NCKAP5L: variants seen among roughly 807,000 people sequenced by gnomAD.
NCKAP5L encodes the protein nck-associated protein 5-like.
Under a neutral mutation model 103.2 loss-of-function variants are expected in NCKAP5L, and 54 were observed. The observed-to-expected ratio is 0.52, with a 90% CI of 0.42 to 0.66. NCKAP5L has a LOEUF of 0.66. Among genes scored for constraint, NCKAP5L ranks in the 30% least tolerant of loss-of-function variants. The pLI, the probability that NCKAP5L is intolerant of heterozygous loss-of-function variation, is 0.00. For missense variants in NCKAP5L, 1,733 were observed against 1,750.6 expected (o/e 0.99, Z 0.18); for synonymous variants, 762 against 748.6 (o/e 1.02, Z -0.29).
intron 6 of NCKAP5L, 135 bp downstream of exon 6, chr12:49,801,713 C>T (rs1946120015): frequency 3.6e-6 from 4 of 1,125,780 alleles, no homozygotes; most frequent in Non-Finnish European, 5.0e-6. Flanking sequence ...TGGGTAGTTT[C>T]CATACCCCCA....
intron 1 of NCKAP5L, among the ~76,000 whole-genome samples, chr12:49,814,462 C>T (rs923417247): frequency 6.3e-4 from 91 of 143,312 alleles, no homozygotes; most frequent in African/African-American, 2.1e-3. Flanking sequence ...CCAGCCTGGG[C>T]GACAGTGTGA....
At position 49,791,425 on chromosome 12, in the gene NCKAP5L, G is replaced by A. The variant is rs534734775; in HGVS notation, c.*414C>T. 108 of 162,564 alleles carry A rather than the reference G, an allele frequency of 6.6e-4. No individual in the cohort carries two copies. The highest frequency in any genetic ancestry group is 2.3e-3 in the African/African-American group (96 of 41,976). 10.1% of individuals were successfully genotyped at this position (162,564 alleles called of 1,614,324 possible). A position where few individuals can be genotyped will look rare whatever the true frequency, so the allele number is the denominator to read the frequency against. ...CCTGGCCCCCAAACTCCACCAGCAC[G>A]GGGGCCTCCAGGAGGGCCTCGCGAG... On this transcript the variant is annotated 3_prime_UTR_variant, in exon 13 of 13. Transcript: ENST00000335999.
chr12:49,817,623 C>T (rs73114136), intron 1 of NCKAP5L, among the ~76,000 whole-genome samples: 39,539 of 151,832 alleles, frequency 0.26, 5,839 homozygotes, highest in South Asian at 0.38. Context: ...AAAACAGATA[C>T]TAGATGAATG....
At chr12:49,798,250 C>A in intron 7 of NCKAP5L, 100 bp downstream of exon 7, 5 of 1,150,434 alleles carry the variant, frequency 4.3e-6, no homozygotes, top group Non-Finnish European at 6.4e-6. Flanking sequence ...GCTCACACTT[C>A]CAGCCTGGAC....
chr12:49,816,495 C>CAAAA (rs1163941989), intron 1 of NCKAP5L, among the ~76,000 whole-genome samples: 784 of 49,404 alleles, frequency 0.016, 44 homozygotes, highest in East Asian at 0.025. Context: ...TCAACCCTCT[C>CAAAA]AAAAAAAAAA....
chr12:49,795,025 G>A lies in NCKAP5L; in HGVS notation c.2835C>T (p.Gly945=), dbSNP rs766678116. ...TEATKNKEGA[G]GGSPLRREVK... ...CTTCCCTCCGGAGCGGGGAGCCCCC[G>A]CCAGCCCCCTCCTTGTTCTTGGTGG... The change falls in exon 8 of 13, where the codon GGC becomes GGT. Residue 945 remains glycine, a synonymous_variant. Coordinates refer to ENST00000335999, the MANE Select transcript of NCKAP5L (RefSeq NM_001037806.4). 1.1e-5 allele frequency: 18 copies of A among 1,606,746 alleles called. No homozygotes were observed. Among genetic ancestry groups the A allele is most frequent in the Admixed American group, 8.5e-5 (5 of 58,906 alleles).
Position 49,795,248 on chromosome 12 carries a change from C to A in NCKAP5L, c.2612G>T (p.Ser871Ile). Residue 871 changes from serine to isoleucine, a missense_variant, in exon 8 of 13, where the codon AGT becomes ATT. Coordinates refer to ENST00000335999, the MANE Select transcript of NCKAP5L (RefSeq NM_001037806.4). Reference sequence around the variant, plus strand: ...TGGGGCCAGCCCCTCAGGGCCCTGACTTGGGTCAGTGGGGCCAGGTACTAG... The same window carrying A: ...TGGGGCCAGCCCCTCAGGGCCCTGAATTGGGTCAGTGGGGCCAGGTACTAG... ...TPLVPGPTDPSQGPEGLAPHS... is the reference protein window; with the variant it reads ...TPLVPGPTDPIQGPEGLAPHS... 1.3e-6 allele frequency: 2 copies of A among 1,548,644 alleles called. No homozygotes were observed. The highest frequency in any genetic ancestry group is 1.7e-6 in the Non-Finnish European group (2 of 1,148,678).
In NCKAP5L at chr12:49,794,605, A is replaced by AC. The variant is rs1555147580; in HGVS notation, c.3095+159dup. Among the ~76,000 whole-genome samples, 15 of 116,136 alleles carry AC rather than the reference A, an allele frequency of 1.3e-4. 3 individuals are homozygous for AC. The highest frequency in any genetic ancestry group is 6.1e-4 in the South Asian group (2 of 3,304). 76.2% of individuals were successfully genotyped at this position (116,136 alleles called of 152,430 possible). A position where few individuals can be genotyped will look rare whatever the true frequency, so the allele number is the denominator to read the frequency against. The stretch of plus-strand genomic sequence containing the variant: ...ATCTTTCCTCCAGGCCAAGTCACTG[A>AC]CCCCCCCACCAGCTGCTTTGGTGGC... On this transcript the variant is annotated intron_variant, in intron 8 of 12. Coordinates refer to ENST00000335999, the MANE Select transcript of NCKAP5L (RefSeq NM_001037806.4).
chr12:49,805,715 A>C (rs1048606438), intron 2 of NCKAP5L: 4 of 151,854 alleles, frequency 2.6e-5, no homozygotes, highest in Non-Finnish European at 4.4e-5. Context: ...CTACCAAAAG[A>C]AAAAAAAAGA....
intron 5 of NCKAP5L, chr12:49,802,678 C>T (rs1946133338): frequency 4.0e-6 from 2 of 498,100 alleles, no homozygotes; most frequent in Non-Finnish European, 3.6e-6. Flanking sequence ...CATTTAGGCT[C>T]ACAACATCAA....
At chr12:49,825,505 C>A (rs888458484) in intron 1 of NCKAP5L, among the ~76,000 whole-genome samples, 1 of 152,220 alleles carries the variant, frequency 6.6e-6, no homozygotes, top group African/African-American at 2.4e-5. Context: ...TCTAACGGGG[C>A]CTCTGGCTGG....
Position 49,796,440 on chromosome 12 carries a change from G to T in NCKAP5L, c.1420C>A (p.Pro474Thr). The change falls in exon 8 of 13, where the codon CCG (proline) becomes ACG (threonine). Residue 474 changes from proline (P) to threonine (T), a missense_variant. Coordinates refer to ENST00000335999, the MANE Select transcript of NCKAP5L (RefSeq NM_001037806.4). ...TSEKSPSPGG[P>T]QLSPQLPRNS... ...CGGGGGAGCTGGGGACTGAGCTGCG[G>T]GCCTCCTGGGCTGGGGCTCTTCTCC... is the stretch of plus-strand genomic sequence containing the variant. 6.5e-7 allele frequency: 1 copy of T among 1,541,116 alleles called. No homozygotes were observed. Among genetic ancestry groups the T allele is most frequent in the Non-Finnish European group, 8.7e-7 (1 of 1,146,878 alleles).
At chr12:49,822,230 G>T (rs775965597) in intron 1 of NCKAP5L, among the ~76,000 whole-genome samples, 3 of 152,062 alleles carry the variant, frequency 2.0e-5, no homozygotes, top group Non-Finnish European at 4.4e-5. Context: ...GGACTTCCCA[G>T]CCTCTAGAGC....
Position 49,796,362 on chromosome 12 carries a change from G to C in NCKAP5L, c.1498C>G (p.Leu500Val). 2.5e-6 allele frequency: 4 copies of C among 1,574,844 alleles called. No individual in the cohort carries two copies. The highest frequency in any genetic ancestry group is 3.4e-6 in the Non-Finnish European group (4 of 1,160,932). ...CCACCCAGACCCCTTCGGGCCAACA[G>C]TGGGGAGGGGCTGCCGTCTGAGCCA... Reference protein sequence around the residue: ...NSGSDGSPSPLLARRGLGGGE... With the variant: ...NSGSDGSPSPVLARRGLGGGE... The change falls in exon 8 of 13, where the codon CTG (leucine) becomes GTG (valine). Residue 500 changes from leucine to valine, a missense_variant. Transcript: ENST00000335999.
At chr12:49,826,990 T>C (rs575618904) in intron 1 of NCKAP5L, among the ~76,000 whole-genome samples, 1 of 152,298 alleles carries the variant, frequency 6.6e-6, no homozygotes, top group South Asian at 2.1e-4. Context: ...ACACACGGTT[T>C]CTTTGGGATA....
At chr12:49,824,415 C>T (rs1017056523) in intron 1 of NCKAP5L, among the ~76,000 whole-genome samples, 12 of 152,206 alleles carry the variant, frequency 7.9e-5, no homozygotes, top group Admixed American at 2.6e-4. Context: ...TTCTTGGGGA[C>T]CCCAGCCCAT....
chr12:49,792,250 A>C lies in NCKAP5L; in HGVS notation c.3792+196T>G. On this transcript the variant is annotated intron_variant, in intron 12 of 12. Coordinates refer to ENST00000335999, the MANE Select transcript of NCKAP5L (RefSeq NM_001037806.4). The surrounding 1 kb of genome is among the most constrained non-coding windows in gnomAD (Gnocchi z 4.5). ...TACAAGGTTCTGGGGAGGGACAGAAACCTTTCCCCACGAGAGAAGTGCAAG... is the reference window on the plus strand; with the variant it reads ...TACAAGGTTCTGGGGAGGGACAGAACCCTTTCCCCACGAGAGAAGTGCAAG... The C allele has an allele frequency of 1.6e-6, 2 of 1,217,118 alleles. No individual in the cohort carries two copies. Among genetic ancestry groups the C allele is most frequent in the Non-Finnish European group, 2.3e-6 (2 of 856,760 alleles). 75.4% of individuals were successfully genotyped at this position (1,217,118 alleles called of 1,614,324 possible).
rs537363421 is a variant in NCKAP5L, at chr12:49,797,467, G to T, written c.466-73C>A. ...ATCCAGTTCCAGGCCCAGGCCCTGG[G>T]CTGGCTTAACAGGGAATGCCAGGAA... On this transcript the variant is annotated intron_variant, in intron 7 of 12. Coordinates refer to ENST00000335999, the MANE Select transcript of NCKAP5L (RefSeq NM_001037806.4). The surrounding 1 kb of genome is among the most constrained non-coding windows in gnomAD (Gnocchi z 4.5). 376 of 1,229,536 alleles carry T rather than the reference G, an allele frequency of 3.1e-4. 4 individuals carry two copies. The South Asian group carries it at 3.5e-3, about 11-fold the overall frequency. The allele number at this position is 1,229,536 out of a possible 1,614,324, so 76.2% of individuals were successfully genotyped here.
At chr12:49,809,305 C>T (rs1946214321) in intron 1 of NCKAP5L, among the ~76,000 whole-genome samples, 1 of 152,298 alleles carries the variant, frequency 6.6e-6, no homozygotes, top group East Asian at 1.9e-4. Flanking sequence ...GGCAAGACCC[C>T]TCCCTGAACA....
Sources: gnomAD v4.1 joint callset for allele counts (sites outside exome capture counted in the v4.1 genomes callset) on GRCh38, gnomAD v4.1.1 for gene constraint, Gnocchi (gnomAD v3.1) non-coding constraint, MANE v1.5 for transcripts, NCBI Gene and HGNC (gene_info 2026-07-23, HGNC 2026-07-21) for gene names.